MCF2L2: variants seen among roughly 807,000 people sequenced by gnomAD.
The protein encoded by MCF2L2 is MCF.2 cell line derived transforming sequence-like 2.
MCF2L2 carries 102 observed loss-of-function variants against 150.2 expected under a neutral mutation model. The ratio of observed to expected loss-of-function variants is 0.68; its 90% CI spans 0.58 to 0.80. The LOEUF is 0.80. Among genes scored for constraint, MCF2L2 ranks in the 30% least tolerant of loss-of-function variants. The probability of loss-of-function intolerance (pLI) is 0.00; values close to 1 mark genes in which losing one functional copy is unlikely to be tolerated. For synonymous variants in MCF2L2, 465 were observed against 491.3 expected (o/e 0.95, Z 0.71); for missense variants, 1,256 against 1,372.8 (o/e 0.91, Z 1.34).
Position 183,223,424 on chromosome 3 carries a change from T to C in MCF2L2, c.2223A>G (p.Gln741=). 3.7e-6 allele frequency: 6 copies of C among 1,613,996 alleles called. No homozygotes were observed. The highest frequency in any genetic ancestry group is 5.1e-6 in the Non-Finnish European group (6 of 1,179,824). The change falls in exon 20 of 30, where the codon CAA becomes CAG. Residue 741 remains glutamine (Q), a synonymous_variant. Coordinates refer to ENST00000328913, the MANE Select transcript of MCF2L2 (RefSeq NM_015078.4). The part of the protein sequence containing the change: ...DCAYFGVCQR[Q]LDHNLPLFKY... ...TAAAAAGAGGGAGATTGTGATCCAG[T>C]TGGCGCTGGCATACCTTTAAAAGCC...
chr3:183,228,472 G>A (rs1723429561), intron 17 of MCF2L2, 106 bp from the exon 18 acceptor site: 1 of 699,878 alleles, frequency 1.4e-6, no homozygotes, highest in Admixed American at 2.5e-5. Context: ...CTAGAAAAAT[G>A]TTCTCCAGGC....
intron 14 of MCF2L2, among the ~76,000 whole-genome samples, chr3:183,280,132 C>T (rs955887223): frequency 6.6e-6 from 1 of 152,040 alleles, no homozygotes; most frequent in Non-Finnish European, 1.5e-5. Context: ...CCTCCACCTC[C>T]CCACTTCCAG....
chr3:183,247,463 T>G (rs1372868688), intron 15 of MCF2L2, among the ~76,000 whole-genome samples: 1 of 152,154 alleles, frequency 6.6e-6, no homozygotes, highest in African/African-American at 2.4e-5. Flanking sequence ...CCAAGGAGAT[T>G]CCTAGAATAC....
intron 1 of MCF2L2, among the ~76,000 whole-genome samples, chr3:183,393,032 G>A (rs1714247365): frequency 1.3e-5 from 2 of 152,168 alleles, no homozygotes; most frequent in Non-Finnish European, 2.9e-5. Context: ...GTTCTCACCA[G>A]TAAAAGGGTT....
At chr3:183,243,170 T>A (rs1724106621) in intron 15 of MCF2L2, among the ~76,000 whole-genome samples, 3 of 152,238 alleles carry the variant, frequency 2.0e-5, no homozygotes, top group African/African-American at 7.2e-5. Flanking sequence ...CTTTGAACTG[T>A]GGACTTTTGA....
Position 183,379,282 on chromosome 3 carries a change from CTG to C in MCF2L2, c.275+13_275+14del, listed in dbSNP as rs1560048406. 6.3e-6 allele frequency: 10 copies of C among 1,584,292 alleles called. No homozygotes were observed. The highest frequency in any genetic ancestry group is 5.4e-5 in the Admixed American group (3 of 56,036). On this transcript the variant is annotated intron_variant, in intron 3 of 29. Transcript: ENST00000328913. ...AGCCAGTGCCTAAGGCGGCAGGACA[CTG>C]TGCTCAGCTCACCTGGGGATGCTAG...
intron 14 of MCF2L2, among the ~76,000 whole-genome samples, chr3:183,278,245 T>A (rs944246222): frequency 2.1e-4 from 32 of 149,700 alleles, no homozygotes; most frequent in Admixed American, 1.3e-4. Flanking sequence ...CAAATAAAAA[T>A]AAAAGATATC....
At chr3:183,210,963 G>C (rs932555587) in intron 22 of MCF2L2, among the ~76,000 whole-genome samples, 4 of 152,146 alleles carry the variant, frequency 2.6e-5, no homozygotes, top group African/African-American at 9.7e-5. Flanking sequence ...ATCTCTCCCT[G>C]AACTGAAGAA....
chr3:183,270,182 G>C lies in MCF2L2; in HGVS notation c.1862+6690C>G. The C allele has an allele frequency of 6.2e-7, 1 of 1,614,138 alleles. No individual in the cohort carries two copies. ...AGCTGAATGCCAACATCAAAACTCTGTTTGCCTTAGGAACTCCTAATCCAC... is the reference window on the plus strand; with the variant it reads ...AGCTGAATGCCAACATCAAAACTCTCTTTGCCTTAGGAACTCCTAATCCAC... On this transcript the variant is annotated intron_variant, in intron 15 of 29. Transcript: ENST00000328913. This position sits in a 1 kb window ranked among gnomAD's most constrained non-coding sequence, Gnocchi z 4.5.
At chr3:183,226,848 AAAAATT>A (rs1262476505) in intron 18 of MCF2L2, 2 of 152,248 alleles carry the variant, frequency 1.3e-5, no homozygotes, top group African/African-American at 4.8e-5. Flanking sequence ...AATAGTTCAA[AAAAATT>A]AATGAATCAG....
chr3:183,269,311 T>C (rs1046112176), intron 15 of MCF2L2, among the ~76,000 whole-genome samples: 1 of 148,672 alleles, frequency 6.7e-6, no homozygotes, highest in African/African-American at 2.5e-5. Flanking sequence ...AGCAATTTTT[T>C]CCCTTTTCCT....
At chr3:183,411,626 T>C (rs184502520) in intron 1 of MCF2L2, among the ~76,000 whole-genome samples, 2 of 152,198 alleles carry the variant, frequency 1.3e-5, no homozygotes, top group Admixed American at 6.5e-5. Flanking sequence ...CTTTTTTTTT[T>C]TTTTAATAGG....
intron 15 of MCF2L2, among the ~76,000 whole-genome samples, chr3:183,238,896 C>A (rs1211255248): frequency 8.8e-5 from 13 of 148,328 alleles, no homozygotes; most frequent in African/African-American, 2.7e-4. Flanking sequence ...ACTCGGGAGG[C>A]TGAGACAGGA....
At chr3:183,402,293 A>C (rs994856216) in intron 1 of MCF2L2, among the ~76,000 whole-genome samples, 11 of 151,744 alleles carry the variant, frequency 7.2e-5, no homozygotes, top group African/African-American at 2.4e-4. Flanking sequence ...AATGCAAAAA[A>C]AAATTAGCCG....
rs572339073 is a variant in MCF2L2 at position 183,191,559 on chromosome 3, T to C, written c.3016+1440A>G. ...TATTCGCCTTCCACCACCACCGGTT[T>C]AACGCCTTTTTCATCTTAGTGCTGC... On this transcript the variant is annotated intron_variant, in intron 27 of 29. Coordinates refer to ENST00000328913, the MANE Select transcript of MCF2L2 (RefSeq NM_015078.4). Among the ~76,000 whole-genome samples, 3 of 152,328 alleles carry C rather than the reference T, an allele frequency of 2.0e-5. No individual in the cohort carries two copies. The South Asian group carries it at 6.2e-4, about 32-fold the overall frequency.
In MCF2L2 at chr3:183,371,029, A is replaced by G. The variant is rs113473850; in HGVS notation, c.275+8268T>C. Among the ~76,000 whole-genome samples, 204 of 152,318 alleles carry G rather than the reference A, an allele frequency of 1.3e-3. 1 individual carries two copies. Among genetic ancestry groups the G allele is most frequent in the African/African-American group, 4.4e-3 (185 of 41,578 alleles). On this transcript the variant is annotated intron_variant, in intron 3 of 29. Coordinates refer to ENST00000328913, the MANE Select transcript of MCF2L2 (RefSeq NM_015078.4). Reference sequence around the variant, plus strand: ...ACATCCTGATGAGTCAGATGAATGAATTCATCTCCCTGACCCTTTGAGTCA... The same window carrying G: ...ACATCCTGATGAGTCAGATGAATGAGTTCATCTCCCTGACCCTTTGAGTCA...
chr3:183,217,992 A>AT (rs1312540892), intron 21 of MCF2L2, among the ~76,000 whole-genome samples: 1 of 152,246 alleles, frequency 6.6e-6, no homozygotes, highest in African/African-American at 2.4e-5. Context: ...GTAAATACAC[A>AT]TAAAAAAATT....
intron 25 of MCF2L2, among the ~76,000 whole-genome samples, chr3:183,198,357 T>G (rs2108639414): frequency 6.6e-6 from 1 of 152,134 alleles, no homozygotes; most frequent in Middle Eastern, 3.4e-3. Context: ...GTGTATTATC[T>G]CTTATGAAAT....
At chr3:183,215,117 C>T (rs910719989) in intron 22 of MCF2L2, among the ~76,000 whole-genome samples, 1 of 152,066 alleles carries the variant, frequency 6.6e-6, no homozygotes, top group Non-Finnish European at 1.5e-5. Flanking sequence ...TGGAAAATTC[C>T]AGGAGACAGA....
Sources: gnomAD v4.1 joint callset for allele counts (sites outside exome capture counted in the v4.1 genomes callset) on GRCh38, gnomAD v4.1.1 for gene constraint, Gnocchi (gnomAD v3.1) non-coding constraint, MANE v1.5 for transcripts, NCBI Gene and HGNC (gene_info 2026-07-23, HGNC 2026-07-21) for gene names.